FANCL: variants seen among roughly 807,000 people sequenced by gnomAD.
FANCL encodes the protein FA complementation group L.
In FANCL, 69 loss-of-function variants were observed where a neutral mutation model predicts 59.4. The observed-to-expected ratio is 1.16, with a 90% confidence interval of 0.96 to 1.42. The LOEUF (loss-of-function observed/expected upper bound fraction) is 1.42. Among genes scored for constraint, FANCL ranks in the 40% most tolerant of loss-of-function variants. The pLI, the probability that FANCL is intolerant of heterozygous loss-of-function variation, is 0.00. For synonymous variants in FANCL, 180 were observed against 147.1 expected (o/e 1.22, Z -1.62); for missense variants, 519 against 447.2 (o/e 1.16, Z -1.45).
chr2:58,204,063 G>A lies in FANCL; in HGVS notation c.471+67C>T, dbSNP rs995988212. 8 of 1,157,778 alleles carry A rather than the reference G, an allele frequency of 6.9e-6. No homozygotes were observed. The Admixed American group carries it at 8.5e-5, about 12-fold the overall frequency. The allele number at this position is 1,157,778 out of a possible 1,614,324, so 71.7% of individuals were successfully genotyped here. A position where few individuals can be genotyped will look rare whatever the true frequency, so the allele number is the denominator to read the frequency against. Reference sequence around the variant, plus strand: ...TGTAACTAGCACTTCTTTACATTGAGAGCATTCACAGAGTTCATTTCACAA... The same window carrying A: ...TGTAACTAGCACTTCTTTACATTGAAAGCATTCACAGAGTTCATTTCACAA... On this transcript the variant is annotated intron_variant, in intron 6 of 13. Transcript: ENST00000233741.
intron 7 of FANCL, among the ~76,000 whole-genome samples, chr2:58,188,032 TC>T (rs1395618570): frequency 6.6e-6 from 1 of 152,230 alleles, no homozygotes; most frequent in African/African-American, 2.4e-5. Flanking sequence ...TCCCTGTGTT[TC>T]TTCTAGAAGC....
chr2:58,192,375 TAAGA>T (rs1689009083), intron 7 of FANCL, among the ~76,000 whole-genome samples: 1 of 151,912 alleles, frequency 6.6e-6, no homozygotes, highest in South Asian at 2.1e-4. Flanking sequence ...CACATTTACT[TAAGA>T]AATACCATTG....
At chr2:58,193,387 CT>C (rs1689124742) in intron 7 of FANCL, among the ~76,000 whole-genome samples, 1 of 151,900 alleles carries the variant, frequency 6.6e-6, no homozygotes, top group Non-Finnish European at 1.5e-5. Flanking sequence ...TCTTTCTCTT[CT>C]TTTTTAGAAT....
chr2:58,205,811 G>A (rs144859826), intron 5 of FANCL, among the ~76,000 whole-genome samples: 19 of 152,130 alleles, frequency 1.2e-4, no homozygotes, highest in Admixed American at 4.6e-4. Flanking sequence ...TATACTGGCA[G>A]AAATTATGGG....
intron 7 of FANCL, among the ~76,000 whole-genome samples, chr2:58,189,120 G>A (rs1036552745): frequency 6.6e-6 from 1 of 152,150 alleles, no homozygotes; most frequent in Non-Finnish European, 1.5e-5. Flanking sequence ...ACTAAAGGGA[G>A]GGACAATAAT....
chr2:58,211,587 T>C (rs1691166477), intron 5 of FANCL, among the ~76,000 whole-genome samples: 2 of 152,222 alleles, frequency 1.3e-5, no homozygotes, highest in African/African-American at 4.8e-5. Context: ...TTCTATCACA[T>C]TGTCAGGCTG....
At chr2:58,220,792 TTAG>T (rs1169252565) in intron 5 of FANCL, among the ~76,000 whole-genome samples, 2 of 152,164 alleles carry the variant, frequency 1.3e-5, no homozygotes, top group Non-Finnish European at 2.9e-5. Flanking sequence ...TAAGAAAAAC[TTAG>T]TGGTGAAAAA....
chr2:58,182,808 G>C (rs1328795379), intron 7 of FANCL, among the ~76,000 whole-genome samples: 1 of 151,518 alleles, frequency 6.6e-6, no homozygotes, highest in African/African-American at 2.4e-5. Flanking sequence ...GTCAATACTA[G>C]ATACTGGTGA....
At chr2:58,215,352 A>G (rs1429891787) in intron 5 of FANCL, among the ~76,000 whole-genome samples, 2 of 152,224 alleles carry the variant, frequency 1.3e-5, no homozygotes, top group Non-Finnish European at 2.9e-5. Flanking sequence ...AATAAAGCCT[A>G]ATCTCATGAA....
chr2:58,176,416 T>C (rs1462405890), intron 7 of FANCL, among the ~76,000 whole-genome samples: 1 of 151,792 alleles, frequency 6.6e-6, no homozygotes, highest in African/African-American at 2.4e-5. Flanking sequence ...AGCATGGTAC[T>C]GGTACCAAAA....
intron 6 of FANCL, among the ~76,000 whole-genome samples, chr2:58,199,120 C>A (rs1428903858): frequency 6.6e-6 from 1 of 151,874 alleles, no homozygotes; most frequent in Non-Finnish European, 1.5e-5. Context: ...TTTTGCTCCA[C>A]TTTCATAGTG....
chr2:58,226,619 T>C (rs753632420), intron 4 of FANCL, 109 bp downstream of exon 4: 241 of 812,006 alleles, frequency 3.0e-4, no homozygotes, highest in Non-Finnish European at 5.2e-5. Flanking sequence ...ATCAAATGAC[T>C]GAGAGTTAAG....
intron 1 of FANCL, among the ~76,000 whole-genome samples, chr2:58,234,573 GA>G (rs956464021): frequency 6.0e-5 from 9 of 150,644 alleles, no homozygotes; most frequent in African/African-American, 1.5e-4. Context: ...TAAAATAGTA[GA>G]AAAAAAAATT....
chr2:58,217,087 C>G (rs546440730), intron 5 of FANCL, among the ~76,000 whole-genome samples: 37 of 140,350 alleles, frequency 2.6e-4, no homozygotes, highest in Non-Finnish European at 5.2e-4. Context: ...GAATACAGGA[C>G]TTTGAAAAAA....
At chr2:58,187,153 T>C (rs1340784921) in intron 7 of FANCL, among the ~76,000 whole-genome samples, 4 of 152,046 alleles carry the variant, frequency 2.6e-5, no homozygotes, top group Admixed American at 2.6e-4. Flanking sequence ...TAGCAAAGAC[T>C]TGGAACCAAC....
Position 58,162,883 on chromosome 2 carries a change from C to T in FANCL, c.886G>A (p.Ala296Thr). 3 of 1,612,130 alleles carry T rather than the reference C, an allele frequency of 1.9e-6. No homozygotes were observed. The highest frequency in any genetic ancestry group is 2.5e-6 in the Non-Finnish European group (3 of 1,178,698). Reference protein sequence around the residue: ...DVLEIDFPARAILEKSDFTMD... With the variant: ...DVLEIDFPARTILEKSDFTMD... ...AAACTTACAGATTTTTCCAGGATAG[C>T]ACGAGCTGGAAAATCAATTTCTAAA... Residue 296 changes from alanine to threonine, a missense_variant, in exon 11 of 14, where the codon GCT becomes ACT. Physicochemically the swap from Ala to Thr is moderately conservative, Grantham distance 58. Transcript: ENST00000233741.
At chr2:58,183,711 G>A (rs896410404) in intron 7 of FANCL, among the ~76,000 whole-genome samples, 1 of 151,726 alleles carries the variant, frequency 6.6e-6, no homozygotes, top group Non-Finnish European at 1.5e-5. Flanking sequence ...TCCTAGAAAA[G>A]CACATGTAGA....
intron 5 of FANCL, among the ~76,000 whole-genome samples, chr2:58,216,767 TG>T (rs1294209582): frequency 6.6e-6 from 1 of 151,926 alleles, no homozygotes; most frequent in East Asian, 2.0e-4. Context: ...CTTCATACCT[TG>T]ACCTCTGACC....
At chr2:58,198,795 C>T (rs1020040572) in intron 6 of FANCL, 133 bp from the exon 7 acceptor site, 6 of 660,828 alleles carry the variant, frequency 9.1e-6, no homozygotes, top group Admixed American at 6.9e-5. Flanking sequence ...TTTGGGAGGC[C>T]GAGGCGGGCG....
Sources: gnomAD v4.1 joint callset for allele counts (sites outside exome capture counted in the v4.1 genomes callset) on GRCh38, gnomAD v4.1.1 for gene constraint, MANE v1.5 for transcripts, NCBI Gene and HGNC (gene_info 2026-07-23, HGNC 2026-07-21) for gene names.